PKNOX2: variants seen among roughly 807,000 people sequenced by gnomAD.
PKNOX2 encodes homeobox protein PKNOX2.
Under a neutral mutation model 53.1 loss-of-function variants are expected in PKNOX2, and 14 were observed. The observed-to-expected ratio is 0.26, with a 90% CI of 0.17 to 0.41. The LOEUF is 0.41. Among genes scored for constraint, PKNOX2 ranks in the 10% least tolerant of loss-of-function variants. The pLI is 1.00. For missense variants in PKNOX2, 496 were observed against 602.8 expected (o/e 0.82, Z 1.85); for synonymous variants, 257 against 242.8 (o/e 1.06, Z -0.54).
In PKNOX2 at chr11:125,430,091, C is replaced by T. The variant is rs773422375; in HGVS notation, c.1142C>T (p.Ala381Val). The T allele has an allele frequency of 4.3e-6, 7 of 1,614,056 alleles. No homozygotes were observed. The South Asian group carries it at 6.6e-5, about 15-fold the overall frequency. The change falls in exon 12 of 13, where the codon GCT becomes GTT. Residue 381 changes from alanine to valine, a missense_variant. Ala to Val is a moderately conservative substitution (Grantham distance 64, BLOSUM62 0). Around this residue, in one of 5 missense-constraint regions of PKNOX2, gnomAD observed 139 missense variants for 161.3 expected, o/e 0.86. Transcript: ENST00000298282. Reference sequence around the variant, plus strand: ...CAAAGATTCTGGCCCAACTCCATCGCTGCGGGGGTGCTGCAGCAGCAGGGC... The same window carrying T: ...CAAAGATTCTGGCCCAACTCCATCGTTGCGGGGGTGCTGCAGCAGCAGGGC... ...PTQRFWPNSI[A>V]AGVLQQQGGA...
intron 1 of PKNOX2, among the ~76,000 whole-genome samples, chr11:125,174,482 C>G (rs1840601461): frequency 6.6e-6 from 1 of 152,196 alleles, no homozygotes; most frequent in South Asian, 2.1e-4. Context: ...ATCCTTGGCT[C>G]TCTTCAAGCC....
rs192813977 is a variant in PKNOX2 at position 125,352,842 on chromosome 11, G to T, written c.87+1450G>T. ...GTAGCTTCCATTAATAAGCCACAGG[G>T]TTGAACTTGGCCTTTACATGGCTCT... On this transcript the variant is annotated intron_variant, in intron 4 of 12. Transcript: ENST00000298282. The surrounding 1 kb of genome is among the most constrained non-coding windows in gnomAD (Gnocchi z 4.1). 2.0e-5 allele frequency among the ~76,000 whole-genome samples: 3 copies of T among 152,286 alleles called. No individual in the cohort carries two copies. The East Asian group carries it at 5.8e-4, about 29-fold the overall frequency.
chr11:125,421,177 G>A (rs2135629615), intron 10 of PKNOX2, among the ~76,000 whole-genome samples: 1 of 152,338 alleles, frequency 6.6e-6, no homozygotes, highest in South Asian at 2.1e-4. Flanking sequence ...ACATAAGCCA[G>A]GAGAGGTCAA....
intron 7 of PKNOX2, among the ~76,000 whole-genome samples, chr11:125,403,427 G>C (rs1020207464): frequency 6.6e-5 from 10 of 152,204 alleles, no homozygotes; most frequent in African/African-American, 2.4e-4. Flanking sequence ...AAGGAGGGGA[G>C]ACGGTGAACA....
intron 1 of PKNOX2, among the ~76,000 whole-genome samples, chr11:125,174,609 G>A (rs1463037673): frequency 6.6e-6 from 1 of 152,206 alleles, no homozygotes; most frequent in Admixed American, 6.5e-5. Flanking sequence ...CAGTGGGAAG[G>A]CTGTCTACCT....
At chr11:125,376,388 C>G (rs971436008) in intron 5 of PKNOX2, among the ~76,000 whole-genome samples, 6 of 152,214 alleles carry the variant, frequency 3.9e-5, no homozygotes, top group African/African-American at 1.4e-4. Context: ...GCTCCCACCC[C>G]CCTCTGTTCT....
chr11:125,384,544 C>T (rs6590142), intron 5 of PKNOX2, among the ~76,000 whole-genome samples: 40,500 of 151,990 alleles, frequency 0.27, 6,855 homozygotes, highest in African/African-American at 0.45. Flanking sequence ...ATAAGCCAGG[C>T]GTGGTGGCGG....
chr11:125,232,647 A>T (rs566777596), intron 1 of PKNOX2, among the ~76,000 whole-genome samples: 4 of 152,278 alleles, frequency 2.6e-5, no homozygotes, highest in African/African-American at 9.6e-5. Context: ...CTAAAATATG[A>T]TGCTAAAACT....
intron 7 of PKNOX2, among the ~76,000 whole-genome samples, chr11:125,401,571 C>T (rs553645466): frequency 4.5e-4 from 68 of 152,328 alleles, no homozygotes; most frequent in African/African-American, 1.5e-3. Flanking sequence ...CTTGCACACT[C>T]ACACGTCTCT....
At chr11:125,219,746 C>A (rs1940930369) in intron 1 of PKNOX2, among the ~76,000 whole-genome samples, 1 of 152,108 alleles carries the variant, frequency 6.6e-6, no homozygotes, top group South Asian at 2.1e-4. Flanking sequence ...GGCAAAAAGC[C>A]AAAAAATTTG....
At chr11:125,198,451 C>A (rs955990216) in intron 1 of PKNOX2, among the ~76,000 whole-genome samples, 2 of 152,190 alleles carry the variant, frequency 1.3e-5, no homozygotes, top group African/African-American at 2.4e-5. Flanking sequence ...ACAATTTCTC[C>A]TTTTGAAACT....
intron 1 of PKNOX2, among the ~76,000 whole-genome samples, chr11:125,227,089 A>G (rs894531927): frequency 6.6e-6 from 1 of 152,020 alleles, no homozygotes; most frequent in Non-Finnish European, 1.5e-5. Context: ...TGGCATATAT[A>G]CGTATTTTTA....
At chr11:125,411,511 C>CTCTCTCT (rs1955542424) in intron 9 of PKNOX2, 3 of 295,044 alleles carry the variant, frequency 1.0e-5, no homozygotes, top group African/African-American at 3.9e-5. Flanking sequence ...TCTCTCTCTC[C>CTCTCTCT]CCCCCTTCCC....
intron 1 of PKNOX2, among the ~76,000 whole-genome samples, chr11:125,194,941 G>A (rs992060729): frequency 1.3e-5 from 2 of 152,124 alleles, no homozygotes; most frequent in African/African-American, 4.8e-5. Flanking sequence ...AGCTCTTTAT[G>A]TAGGTCCTAC....
intron 2 of PKNOX2, among the ~76,000 whole-genome samples, chr11:125,281,486 CT>C (rs1246308434): frequency 6.6e-6 from 1 of 152,182 alleles, no homozygotes; most frequent in Non-Finnish European, 1.5e-5. Flanking sequence ...TGAATTCTGG[CT>C]GCCACTTACC....
At chr11:125,356,035 C>A (rs1032740065) in intron 4 of PKNOX2, among the ~76,000 whole-genome samples, 2 of 148,520 alleles carry the variant, frequency 1.3e-5, no homozygotes, top group South Asian at 2.3e-4. Context: ...CAGCACCCCC[C>A]CCCCCACAAC....
At chr11:125,212,577 T>G (rs1341544386) in intron 1 of PKNOX2, among the ~76,000 whole-genome samples, 1 of 150,872 alleles carries the variant, frequency 6.6e-6, no homozygotes, top group East Asian at 2.0e-4. Context: ...AGGGGATTCT[T>G]AAAGAGCCTG....
intron 2 of PKNOX2, among the ~76,000 whole-genome samples, chr11:125,331,079 A>T (rs1458965130): frequency 6.6e-6 from 1 of 151,678 alleles, no homozygotes; most frequent in African/African-American, 2.4e-5. Context: ...CTCATCCACA[A>T]GGAGAAATTG....
chr11:125,228,709 G>T (rs149905208), intron 1 of PKNOX2, among the ~76,000 whole-genome samples: 1 of 152,146 alleles, frequency 6.6e-6, no homozygotes, highest in Non-Finnish European at 1.5e-5. Context: ...AAAAACCCTC[G>T]GTTGGTATTC....
Sources: gnomAD v4.1 joint callset for allele counts (sites outside exome capture counted in the v4.1 genomes callset) on GRCh38, gnomAD v4.1.1 for gene constraint, gnomAD v4.1.1 regional missense constraint, Gnocchi (gnomAD v3.1) non-coding constraint, MANE v1.5 for transcripts, NCBI Gene and HGNC (gene_info 2026-07-23, HGNC 2026-07-21) for gene names.